The following OLFM1 variants were observed in gnomAD, a reference collection of about 807,000 sequenced individuals.
OLFM1 encodes the protein noelin.
A neutral mutation model predicts 49.7 loss-of-function variants in OLFM1; 9 were observed. The ratio of observed to expected loss-of-function variants is 0.18; its 90% CI spans 0.11 to 0.32. The LOEUF is 0.32. Ranked by LOEUF, OLFM1 falls within the 10% of genes least tolerant of loss-of-function variation. OLFM1 has a pLI of 1.00. For synonymous variants in OLFM1, 240 were observed against 271.8 expected, an observed-to-expected ratio of 0.88 and a Z score of 1.15; for missense variants, 369 against 661.8, an observed-to-expected ratio of 0.56 and a Z score of 4.85.
chr9:135,094,087 TG>T (rs1384947953), intron 2 of OLFM1, among the ~76,000 whole-genome samples: 1 of 152,184 alleles, frequency 6.6e-6, no homozygotes, highest in Non-Finnish European at 1.5e-5. Flanking sequence ...CCTTCGCTCC[TG>T]GGGATTTTGC....
At chr9:135,094,931 T>C (rs1830766266) in intron 2 of OLFM1, 1 of 152,146 alleles carries the variant, frequency 6.6e-6, no homozygotes, top group Admixed American at 6.5e-5. Flanking sequence ...GTAATTGGAT[T>C]AGATTCTGAG....
chr9:135,102,407 GA>G (rs1200997625), intron 4 of OLFM1, among the ~76,000 whole-genome samples: 1 of 152,216 alleles, frequency 6.6e-6, no homozygotes, highest in Non-Finnish European at 1.5e-5. Context: ...GATTCTGAAG[GA>G]AAACCCACTA....
chr9:135,113,727 C>T lies in OLFM1; in HGVS notation c.784-5777C>T, dbSNP rs79111813. Among the ~76,000 whole-genome samples, 26 of 152,312 alleles carry T rather than the reference C, an allele frequency of 1.7e-4. No homozygotes were observed. The East Asian group carries it at 4.3e-3, about 25-fold the overall frequency. On this transcript the variant is annotated intron_variant, in intron 5 of 5. Transcript: ENST00000371793. This position sits in a 1 kb window ranked among gnomAD's most constrained non-coding sequence, Gnocchi z 4.0. ...GTGGGGGTGCTGGGTCACAGTGAGGCGGCAAGGCCTCCCCTCCGGGCTCAC... is the reference window on the plus strand; with the variant it reads ...GTGGGGGTGCTGGGTCACAGTGAGGTGGCAAGGCCTCCCCTCCGGGCTCAC...
At chr9:135,075,635 C>G (rs1048717402) in exon 1 of OLFM1, 4 of 1,103,062 alleles carry the variant, frequency 3.6e-6, no homozygotes, top group Non-Finnish European at 4.8e-6. Flanking sequence ...CCGGAGCCAG[C>G]GGAGCCGGGG....
At chr9:135,083,287 A>C (rs866019646), upstream of OLFM1, among the ~76,000 whole-genome samples, 4 of 152,202 alleles carry the variant, frequency 2.6e-5, no homozygotes, top group Admixed American at 1.3e-4. Context: ...CAACTAAGGG[A>C]ATACAGAGCT....
At chr9:135,094,036 G>A (rs1246018563) in intron 2 of OLFM1, among the ~76,000 whole-genome samples, 2 of 152,224 alleles carry the variant, frequency 1.3e-5, no homozygotes, top group Non-Finnish European at 2.9e-5. Context: ...TCCTGACTGA[G>A]GCCAGCATGA....
chr9:135,096,079 C>A, intron 3 of OLFM1, 60 bp downstream of exon 3: 1 of 1,518,434 alleles, frequency 6.6e-7, no homozygotes, highest in South Asian at 1.2e-5. Context: ...CTTCCTCCTC[C>A]TTCCCCTCCC....
intron 4 of OLFM1, among the ~76,000 whole-genome samples, chr9:135,100,627 G>A (rs888067436): frequency 6.6e-6 from 1 of 152,220 alleles, no homozygotes; most frequent in African/African-American, 2.4e-5. Flanking sequence ...ACAGCAAACT[G>A]AGCTCCCCCG....
At chr9:135,094,084 T>A (rs980792720) in intron 2 of OLFM1, among the ~76,000 whole-genome samples, 1 of 152,166 alleles carries the variant, frequency 6.6e-6, no homozygotes, top group African/African-American at 2.4e-5. Context: ...GGGCCTTCGC[T>A]CCTGGGGATT....
At chr9:135,089,709 C>T (rs975677935) in intron 1 of OLFM1, among the ~76,000 whole-genome samples, 1 of 152,164 alleles carries the variant, frequency 6.6e-6, no homozygotes, top group African/African-American at 2.4e-5. Context: ...GTGGGTGCTT[C>T]GTCTGCAAGT....
At position 135,113,374 on chromosome 9, in the gene OLFM1, G is replaced by A. The variant is rs929903418; in HGVS notation, c.784-6130G>A. 1.3e-5 allele frequency among the ~76,000 whole-genome samples: 2 copies of A among 152,166 alleles called. No homozygotes were observed. Among genetic ancestry groups the A allele is most frequent in the Non-Finnish European group, 2.9e-5 (2 of 68,036 alleles). Reference sequence around the variant, plus strand: ...GGCCTGATGAGCTCCAGCAGGCTCTGAGGGCCGTGTCTAGCCTACCCAGAA... The same window carrying A: ...GGCCTGATGAGCTCCAGCAGGCTCTAAGGGCCGTGTCTAGCCTACCCAGAA... On this transcript the variant is annotated intron_variant, in intron 5 of 5. Coordinates refer to ENST00000371793, the MANE Select transcript of OLFM1 (RefSeq NM_001282611.2). The surrounding 1 kb of genome is among the most constrained non-coding windows in gnomAD (Gnocchi z 4.0).
At chr9:135,081,231 G>T (rs542909765) in intron 1 of OLFM1, among the ~76,000 whole-genome samples, 12 of 152,306 alleles carry the variant, frequency 7.9e-5, no homozygotes, top group Admixed American at 2.0e-4. Flanking sequence ...GGTGCTCTAG[G>T]TCTGTCTGAC....
Position 135,119,544 on chromosome 9 carries a change from G to A in OLFM1, c.824G>A (p.Arg275His), listed in dbSNP as rs762963863. 21 of 1,613,414 alleles carry A rather than the reference G, an allele frequency of 1.3e-5. No individual in the cohort carries two copies. The highest frequency in any genetic ancestry group is 1.1e-4 in the East Asian group (5 of 44,884). Residue 275 changes from arginine to histidine, a missense_variant, in exon 6 of 6, where the codon CGT (arginine) becomes CAT (histidine). Coordinates refer to ENST00000371793, the MANE Select transcript of OLFM1 (RefSeq NM_001282611.2). ...GGCTATCACAACAACCGCTTCGTACGTGAGTACAAGTCCATGGTTGACTTC... is the reference window on the plus strand; with the variant it reads ...GGCTATCACAACAACCGCTTCGTACATGAGTACAAGTCCATGGTTGACTTC... ...MDGYHNNRFV[R>H]EYKSMVDFMN...
intron 1 of OLFM1, among the ~76,000 whole-genome samples, chr9:135,078,965 A>G (rs80289763): frequency 0.01 from 1,568 of 152,188 alleles, 38 homozygotes; most frequent in African/African-American, 0.036. Flanking sequence ...TCTTGAGTAA[A>G]ATCCCTTCCT....
rs536471745 is a variant in OLFM1 at position 135,098,695 on chromosome 9, A to C, written c.676+190A>C. The stretch of plus-strand genomic sequence containing the variant: ...GCGTAGGCCACACCCATCCTAGGGC[A>C]TTGTTCAGAGCCGGGTCTTGTGCAG... On this transcript the variant is annotated intron_variant, in intron 4 of 5. Coordinates refer to ENST00000371793, the MANE Select transcript of OLFM1 (RefSeq NM_001282611.2). This position sits in a 1 kb window ranked among gnomAD's most constrained non-coding sequence, Gnocchi z 5.6. Among the ~76,000 whole-genome samples, 6 of 152,298 alleles carry C rather than the reference A, an allele frequency of 3.9e-5. No homozygotes were observed. Among genetic ancestry groups the C allele is most frequent in the African/African-American group, 1.4e-4 (6 of 41,566 alleles).
chr9:135,088,933 TGGCTGAGCGA>T lies in OLFM1; in HGVS notation c.150+803_150+812del, dbSNP rs1241129343. 1.5e-4 allele frequency among the ~76,000 whole-genome samples: 23 copies of T among 152,278 alleles called. No individual in the cohort carries two copies. The highest frequency in any genetic ancestry group is 3.4e-3 in the Middle Eastern group (1 of 294). On this transcript the variant is annotated intron_variant, in intron 1 of 5. Coordinates refer to ENST00000371793, the MANE Select transcript of OLFM1 (RefSeq NM_001282611.2). The surrounding 1 kb of genome is among the most constrained non-coding windows in gnomAD (Gnocchi z 4.8). ...TGCTTCTGGGCAGAGCTGACTTAGA[TGGCTGAGCGA>T]GGCTGAGCTGAAACCGCCACCCGGA...
intron 4 of OLFM1, among the ~76,000 whole-genome samples, chr9:135,104,808 C>T (rs1313575082): frequency 1.3e-5 from 2 of 152,198 alleles, no homozygotes; most frequent in Non-Finnish European, 2.9e-5. Context: ...CTCCCTCCCA[C>T]CTCCTGCCTC....
chr9:135,120,186 C>G lies in OLFM1; in HGVS notation c.*8C>G, dbSNP rs1243149694. 5.0e-6 allele frequency: 8 copies of G among 1,598,374 alleles called. No homozygotes were observed. The highest frequency in any genetic ancestry group is 2.7e-5 in the African/African-American group (2 of 74,536). On this transcript the variant is annotated 3_prime_UTR_variant, in exon 6 of 6. Coordinates refer to ENST00000371793, the MANE Select transcript of OLFM1 (RefSeq NM_001282611.2). ...CGCTCCGACGAGTTGTAGCTCCCTC[C>G]TCCTGGAAGCCAAGGGCCCACGTCC... is the stretch of plus-strand genomic sequence containing the variant.
In OLFM1 at chr9:135,090,252, G is replaced by A. The variant is rs1282340447; in HGVS notation, c.208G>A (p.Glu70Lys). The stretch of plus-strand genomic sequence containing the variant: ...GGTGTACAGCTCTGCCCAGGACAGC[G>A]AGGGCAGGTGTATCTGCACAGTGGT... ...WQVYSSAQDS[E>K]GRCICTVVAP... The change falls in exon 2 of 6, where the codon GAG becomes AAG. Residue 70 changes from glutamate to lysine, a missense_variant. Around this residue, in one of 3 missense-constraint regions of OLFM1, gnomAD observed 294 missense variants for 567.5 expected, o/e 0.52. Coordinates refer to ENST00000371793, the MANE Select transcript of OLFM1 (RefSeq NM_001282611.2). 1 of 1,614,008 alleles carries A rather than the reference G, an allele frequency of 6.2e-7. No homozygotes were observed. Among genetic ancestry groups the A allele is most frequent in the Non-Finnish European group, 8.5e-7 (1 of 1,180,020 alleles).
Sources: gnomAD v4.1 joint callset for allele counts (sites outside exome capture counted in the v4.1 genomes callset) on GRCh38, gnomAD v4.1.1 for gene constraint, gnomAD v4.1.1 regional missense constraint, Gnocchi (gnomAD v3.1) non-coding constraint, MANE v1.5 for transcripts, NCBI Gene and HGNC (gene_info 2026-07-23, HGNC 2026-07-21) for gene names.